MACROD2: variants seen among roughly 807,000 people sequenced by gnomAD.
MACROD2 encodes the protein ADP-ribose glycohydrolase MACROD2.
A neutral mutation model predicts 70.4 loss-of-function variants in MACROD2; 36 were observed. That is an observed-to-expected ratio of 0.51 (90% CI 0.39 to 0.68). The LOEUF (loss-of-function observed/expected upper bound fraction) is 0.68, where lower values mean the gene tolerates loss of function less well. Ranked by LOEUF, MACROD2 falls within the 30% of genes least tolerant of loss-of-function variation. The pLI is 0.00. For synonymous variants in MACROD2, 172 were observed against 178.8 expected (o/e 0.96, Z 0.30); for missense variants, 496 against 538.4 (o/e 0.92, Z 0.78).
chr20:15,494,780 C>T (rs1483732342), intron 7 of MACROD2, among the ~76,000 whole-genome samples: 17 of 143,280 alleles, frequency 1.2e-4, no homozygotes, highest in African/African-American at 3.4e-4. Context: ...TGTGTGTGCG[C>T]GCGTGTGTGC....
At chr20:14,368,010 C>T (rs1600167646) in intron 3 of MACROD2, among the ~76,000 whole-genome samples, 1 of 151,886 alleles carries the variant, frequency 6.6e-6, no homozygotes, top group South Asian at 2.1e-4. Flanking sequence ...AGTTATTGTA[C>T]TTTTATTTCC....
rs759135826 is a variant in MACROD2 at position 14,372,026 on chromosome 20, T to C, written c.272-121453T>C. Among the ~76,000 whole-genome samples the C allele has an allele frequency of 2.6e-5, 4 of 152,124 alleles. 1 individual carries two copies. The highest frequency in any genetic ancestry group is 4.4e-5 in the Non-Finnish European group (3 of 68,020). ...GACTTCTTTGTGATTATTTGATTAA[T>C]GTCTGTTTCCTTGACCACGTTTTCC... On this transcript the variant is annotated intron_variant, in intron 3 of 17. Transcript: ENST00000684519.
chr20:15,509,144 G>T (rs2047466402), intron 8 of MACROD2, among the ~76,000 whole-genome samples: 1 of 152,168 alleles, frequency 6.6e-6, no homozygotes, highest in Non-Finnish European at 1.5e-5. Context: ...CTTCAGATGT[G>T]TTGGCTGGAA....
At chr20:14,505,119 A>G (rs2084954625) in intron 4 of MACROD2, among the ~76,000 whole-genome samples, 1 of 152,228 alleles carries the variant, frequency 6.6e-6, no homozygotes. Flanking sequence ...TTATGCCTAT[A>G]AAATTCAGTT....
intron 3 of MACROD2, among the ~76,000 whole-genome samples, chr20:14,396,713 C>T (rs1313943140): frequency 6.6e-6 from 1 of 151,882 alleles, no homozygotes; most frequent in Non-Finnish European, 1.5e-5. Context: ...ATTACGAGGT[C>T]AGGAGATCAA....
In MACROD2 at chr20:15,075,935, G is replaced by A. The variant is rs2123117890; in HGVS notation, c.419-154005G>A. Among the ~76,000 whole-genome samples, 3 of 152,190 alleles carry A rather than the reference G, an allele frequency of 2.0e-5. No homozygotes were observed. In the South Asian group the frequency reaches 6.2e-4, roughly 32 times the overall value. ...TACTTTTAGGAAAATTTTAGGGGAA[G>A]AATATGTTATAAAAGAGAATTATCT... On this transcript the variant is annotated intron_variant, in intron 5 of 17. Transcript: ENST00000684519.
intron 2 of MACROD2, among the ~76,000 whole-genome samples, chr20:14,077,158 CTTACATTACA>C (rs4052960): frequency 2.7e-4 from 41 of 152,112 alleles, no homozygotes; most frequent in Middle Eastern, 3.4e-3. Flanking sequence ...CAACCTTAGA[CTTACATTACA>C]TTACATTAAT....
intron 8 of MACROD2, among the ~76,000 whole-genome samples, chr20:15,562,987 T>C (rs1390232645): frequency 2.6e-5 from 4 of 152,192 alleles, no homozygotes; most frequent in African/African-American, 7.2e-5. Context: ...TACAAAGTTA[T>C]ATAGGTCTAA....
intron 5 of MACROD2, among the ~76,000 whole-genome samples, chr20:14,691,449 G>A (rs2071063122): frequency 6.6e-6 from 1 of 152,140 alleles, no homozygotes. Context: ...TGAAAAGAAT[G>A]CCTAGAAAAA....
intron 5 of MACROD2, among the ~76,000 whole-genome samples, chr20:15,087,047 C>G (rs115269864): frequency 5.3e-5 from 8 of 152,012 alleles, no homozygotes; most frequent in Admixed American, 2.0e-4. Flanking sequence ...TAGGGAAAAT[C>G]TATTTAATTA....
intron 3 of MACROD2, among the ~76,000 whole-genome samples, chr20:14,273,788 T>C (rs1018693948): frequency 2.4e-4 from 36 of 150,602 alleles, no homozygotes; most frequent in African/African-American, 8.1e-4. Flanking sequence ...ATCAAATAGA[T>C]GCAATAAAAA....
intron 10 of MACROD2, among the ~76,000 whole-genome samples, chr20:15,913,483 G>A (rs1379732816): frequency 6.6e-6 from 1 of 152,096 alleles, no homozygotes; most frequent in African/African-American, 2.4e-5. Flanking sequence ...ATTTTTTCAA[G>A]AGGTGCCAGC....
In MACROD2 at chr20:14,270,824, G is replaced by A. The variant is rs558548203; in HGVS notation, c.271+185096G>A. Among the ~76,000 whole-genome samples, 16 of 152,232 alleles carry A rather than the reference G, an allele frequency of 1.1e-4. 1 individual carries two copies. The highest frequency in any genetic ancestry group is 7.8e-4 in the East Asian group (4 of 5,156). ...TTCTATCTGAGGCTTAAAAAATGGC[G>A]CACCAGGAGATTATATCACACACCT... is the stretch of plus-strand genomic sequence containing the variant. On this transcript the variant is annotated intron_variant, in intron 3 of 17. Transcript: ENST00000684519.
At chr20:14,322,102 G>A (rs2082665969) in intron 3 of MACROD2, among the ~76,000 whole-genome samples, 1 of 142,438 alleles carries the variant, frequency 7.0e-6, no homozygotes, top group Non-Finnish European at 1.5e-5. Flanking sequence ...ATTTAGTTTG[G>A]GATGCATGGA....
At chr20:14,764,518 T>G (rs2072059982) in intron 5 of MACROD2, among the ~76,000 whole-genome samples, 1 of 152,084 alleles carries the variant, frequency 6.6e-6, no homozygotes, top group Non-Finnish European at 1.5e-5. Flanking sequence ...TTACAAGCTA[T>G]GGGGACGGCT....
intron 8 of MACROD2, among the ~76,000 whole-genome samples, chr20:15,640,155 G>T (rs1017247746): frequency 2.0e-5 from 3 of 151,980 alleles, no homozygotes; most frequent in African/African-American, 7.3e-5. Flanking sequence ...GAGAGAAAAA[G>T]AGATGTGAGG....
chr20:14,927,455 A>G (rs1317070987), intron 5 of MACROD2, among the ~76,000 whole-genome samples: 2 of 152,178 alleles, frequency 1.3e-5, no homozygotes, highest in African/African-American at 4.8e-5. Context: ...TCCAGGGGCC[A>G]GAAACTCTGG....
Position 15,128,872 on chromosome 20 carries a change from G to A in MACROD2, c.419-101068G>A, listed in dbSNP as rs1046208922. On this transcript the variant is annotated intron_variant, in intron 5 of 17. Coordinates refer to ENST00000684519, the MANE Select transcript of MACROD2 (RefSeq NM_001351661.2). The stretch of plus-strand genomic sequence containing the variant: ...TTTTTTTTTCATCTACTTTTTGATT[G>A]CTATGTCATTGAAAAGTGCTTAATC... Among the ~76,000 whole-genome samples the A allele has an allele frequency of 2.7e-5, 4 of 150,536 alleles. No individual in the cohort carries two copies. In the East Asian group the frequency reaches 5.9e-4, roughly 22 times the overall value.
intron 8 of MACROD2, among the ~76,000 whole-genome samples, chr20:15,567,260 T>C (rs2048322898): frequency 6.6e-6 from 1 of 152,192 alleles, no homozygotes; most frequent in Admixed American, 6.5e-5. Flanking sequence ...TATATAAAAA[T>C]ATTGTTCTCT....
Sources: allele counts gnomAD v4.1 joint callset (sites outside exome capture counted in the v4.1 genomes callset), GRCh38; gene constraint gnomAD v4.1.1; transcripts MANE v1.5; gene names NCBI Gene and HGNC (gene_info 2026-07-23, HGNC 2026-07-21).